Variants in ANKHD1 observed in about 807,000 individuals in gnomAD.
The protein encoded by ANKHD1 is ankyrin repeat and KH domain containing 1.
Under a neutral mutation model 230.5 loss-of-function variants are expected in ANKHD1, and 31 were observed. The observed-to-expected ratio is 0.13, with a 90% CI of 0.10 to 0.18. The LOEUF is 0.18. Among genes scored for constraint, ANKHD1 ranks in the 10% least tolerant of loss-of-function variants. The probability of loss-of-function intolerance (pLI) is 1.00; values close to 1 mark genes in which losing one functional copy is unlikely to be tolerated. For missense variants in ANKHD1, 2,256 were observed against 3,071.3 expected, an observed-to-expected ratio of 0.73 and a Z score of 6.27; for synonymous variants, 1,074 against 1,117.6, an observed-to-expected ratio of 0.96 and a Z score of 0.78.
At chr5:140,427,576 G>T (rs1772597731) in intron 1 of ANKHD1, among the ~76,000 whole-genome samples, 1 of 146,072 alleles carries the variant, frequency 6.8e-6, no homozygotes, top group African/African-American at 2.5e-5. Flanking sequence ...CTTGCGGACG[G>T]GGCGGCTGGC....
chr5:140,521,798 G>T (rs1753362438), intron 24 of ANKHD1, among the ~76,000 whole-genome samples: 1 of 152,052 alleles, frequency 6.6e-6, no homozygotes, highest in African/African-American at 2.4e-5. Flanking sequence ...TGGCTAACAT[G>T]GTAAAACCCT....
At chr5:140,484,147 T>C (rs963032619) in intron 11 of ANKHD1, among the ~76,000 whole-genome samples, 1 of 152,220 alleles carries the variant, frequency 6.6e-6, no homozygotes, top group Non-Finnish European at 1.5e-5. Context: ...TAGGATTAGA[T>C]TCAGCTGGAT....
intron 10 of ANKHD1, among the ~76,000 whole-genome samples, chr5:140,482,098 G>T (rs923407040): frequency 6.6e-6 from 1 of 151,804 alleles, no homozygotes; most frequent in South Asian, 2.1e-4. Flanking sequence ...ACTACCCATT[G>T]GTATATTTTT....
At chr5:140,421,296 CTTTTTTT>C (rs35408466) in intron 1 of ANKHD1, among the ~76,000 whole-genome samples, 61 of 94,510 alleles carry the variant, frequency 6.5e-4, no homozygotes, top group African/African-American at 2.1e-3. Context: ...AGAGTTTTTA[CTTTTTTT>C]TTTTTTTTTT....
At chr5:140,440,355 A>G (rs1773758719) in intron 4 of ANKHD1, 89 bp downstream of exon 4, 1 of 1,457,182 alleles carries the variant, frequency 6.9e-7, no homozygotes, top group African/African-American at 1.4e-5. Flanking sequence ...GATTATAATT[A>G]GAGGCCAGAG....
At chr5:140,452,046 T>C (rs916971148) in intron 7 of ANKHD1, among the ~76,000 whole-genome samples, 1 of 152,246 alleles carries the variant, frequency 6.6e-6, no homozygotes, top group Non-Finnish European at 1.5e-5. Flanking sequence ...CATTTCCAAC[T>C]GAGCATACGG....
At chr5:140,447,202 C>G (rs1431444389) in intron 6 of ANKHD1, among the ~76,000 whole-genome samples, 3 of 151,898 alleles carry the variant, frequency 2.0e-5, no homozygotes, top group Admixed American at 2.0e-4. Context: ...CGTGCCTGGC[C>G]TATTTTTTAT....
In ANKHD1 at chr5:140,512,825, T is replaced by C. The variant is rs1752828382; in HGVS notation, c.4105-3T>C. ...TTGTCTAAGATTGTTGTACTTCTTA[T>C]AGGGTCATGTAAAAGTTGTTCAATA... On this transcript the variant is annotated splice_region_variant and splice_polypyrimidine_tract_variant and intron_variant, in intron 22 of 33. Coordinates refer to ENST00000360839, the MANE Select transcript of ANKHD1 (RefSeq NM_017747.3). 3 of 1,593,164 alleles carry C rather than the reference T, an allele frequency of 1.9e-6. No individual in the cohort carries two copies. Among genetic ancestry groups the C allele is most frequent in the Non-Finnish European group, 2.6e-6 (3 of 1,173,116 alleles).
intron 1 of ANKHD1, among the ~76,000 whole-genome samples, chr5:140,405,067 A>C (rs1770321118): frequency 6.6e-6 from 1 of 151,360 alleles, no homozygotes; most frequent in South Asian, 2.1e-4. Flanking sequence ...CTATGGGCAG[A>C]ATCCATGCCT....
chr5:140,445,379 C>T (rs768581896), intron 5 of ANKHD1, among the ~76,000 whole-genome samples: 18 of 152,074 alleles, frequency 1.2e-4, no homozygotes, highest in Non-Finnish European at 2.2e-4. Context: ...TGGTGGGCAC[C>T]TGTAATCCCA....
chr5:140,504,298 C>T (rs1043794460), intron 15 of ANKHD1, among the ~76,000 whole-genome samples: 1 of 152,180 alleles, frequency 6.6e-6, no homozygotes, highest in Admixed American at 6.5e-5. Context: ...GTGATTCACC[C>T]GCCTCGGCCT....
chr5:140,419,108 C>T (rs1052923574), intron 1 of ANKHD1, among the ~76,000 whole-genome samples: 1 of 151,992 alleles, frequency 6.6e-6, no homozygotes, highest in South Asian at 2.1e-4. Flanking sequence ...CTCATCTTCA[C>T]TAACATTTGT....
intron 8 of ANKHD1, 114 bp from the exon 9 acceptor site, chr5:140,459,050 C>T (rs1053104998): frequency 3.5e-5 from 27 of 782,108 alleles, no homozygotes; most frequent in Non-Finnish European, 4.3e-5. Flanking sequence ...ATAAATTACC[C>T]TGGAGGAAAC....
chr5:140,514,955 G>A (rs1259416024), intron 24 of ANKHD1, among the ~76,000 whole-genome samples: 2 of 148,938 alleles, frequency 1.3e-5, no homozygotes, highest in Non-Finnish European at 3.0e-5. Context: ...CTCCAGCCTG[G>A]GTGACAGAGC....
chr5:140,458,548 CT>C, intron 7 of ANKHD1, 76 bp from the exon 8 acceptor site: 2 of 1,459,608 alleles, frequency 1.4e-6, no homozygotes, highest in Non-Finnish European at 9.3e-7. Context: ...CAATCTCTTG[CT>C]TTCTTCTCTC....
chr5:140,412,999 A>G (rs1209926359), intron 1 of ANKHD1, among the ~76,000 whole-genome samples: 1 of 152,206 alleles, frequency 6.6e-6, no homozygotes, highest in Non-Finnish European at 1.5e-5. Context: ...AGTAGAAAGG[A>G]TGTTTTTTTA....
At position 140,526,082 on chromosome 5, in the gene ANKHD1, G is replaced by A. The variant is rs1323397564; in HGVS notation, c.4579G>A (p.Val1527Met). The part of the protein sequence containing the change: ...ISATSATFTN[V>M]FGKKRANVVT... ...TGCAACATCTGCAACATTCACAAATGTGTTTGGGAAAAAAAGGGCCAATGT... is the reference window on the plus strand; with the variant it reads ...TGCAACATCTGCAACATTCACAAATATGTTTGGGAAAAAAAGGGCCAATGT... Residue 1527 changes from valine to methionine, a missense_variant, in exon 26 of 34, where the codon GTG becomes ATG. By Grantham distance (21) the Val-to-Met change is conservative (BLOSUM62 1). Coordinates refer to ENST00000360839, the MANE Select transcript of ANKHD1 (RefSeq NM_017747.3). 1 of 1,613,526 alleles carries A rather than the reference G, an allele frequency of 6.2e-7. No homozygotes were observed.
At position 140,458,742 on chromosome 5, in the gene ANKHD1, G is replaced by A. The variant is rs1275457694; in HGVS notation, c.1360G>A (p.Ala454Thr). Reference protein sequence around the residue: ...LAACGGHVELAALLIERGANL... With the variant: ...LAACGGHVELTALLIERGANL... ...TGCCTGTGGAGGACATGTTGAATTG[G>A]CAGCTCTACTTATTGAAAGGGGAGC... The change falls in exon 8 of 34, where the codon GCA becomes ACA. Residue 454 changes from alanine to threonine, a missense_variant. Physicochemically the swap from Ala to Thr is moderately conservative, Grantham distance 58 (BLOSUM62 0). This residue lies in a region of ANKHD1 where 179 missense variants were observed against 261.8 expected (regional missense o/e 0.68). Coordinates refer to ENST00000360839, the MANE Select transcript of ANKHD1 (RefSeq NM_017747.3). The A allele has an allele frequency of 6.2e-7, 1 of 1,613,260 alleles. No homozygotes were observed. The highest frequency in any genetic ancestry group is 1.1e-5 in the South Asian group (1 of 91,036).
intron 29 of ANKHD1, chr5:140,531,201 G>C (rs1753799767): frequency 3.2e-6 from 1 of 312,142 alleles, no homozygotes; most frequent in African/African-American, 2.3e-5. Flanking sequence ...TAATAATCTT[G>C]GCCCCATTTC....
Sources: gnomAD v4.1 joint callset for allele counts (sites outside exome capture counted in the v4.1 genomes callset) on GRCh38, gnomAD v4.1.1 for gene constraint, gnomAD v4.1.1 regional missense constraint, MANE v1.5 for transcripts, NCBI Gene and HGNC (gene_info 2026-07-23, HGNC 2026-07-21) for gene names.